Variants in MYOF observed in about 807,000 individuals in gnomAD.
MYOF encodes myoferlin, also known as fer-1-like 3, myoferlin.
MYOF carries 244 observed loss-of-function variants against 284.2 expected under a neutral mutation model. That is an observed-to-expected ratio of 0.86 (90% CI 0.77 to 0.95). MYOF has a LOEUF of 0.95. Among genes scored for constraint, MYOF ranks in the 40% least tolerant of loss-of-function variants. The probability of loss-of-function intolerance (pLI) is 0.00; values close to 1 mark genes in which losing one functional copy is unlikely to be tolerated. For missense variants in MYOF, 2,496 were observed against 2,560.6 expected, an observed-to-expected ratio of 0.97 and a Z score of 0.54; for synonymous variants, 904 against 919.7, an observed-to-expected ratio of 0.98 and a Z score of 0.31.
chr10:93,343,969 G>C (rs761141980), intron 37 of MYOF, 37 bp from the exon 38 acceptor site: 1 of 1,609,760 alleles, frequency 6.2e-7, no homozygotes, highest in East Asian at 2.2e-5. Flanking sequence ...AAGATACTTA[G>C]AGAAATACAG....
chr10:93,359,991 T>C lies in MYOF; in HGVS notation c.2975-13A>G. 6.2e-7 allele frequency: 1 copy of C among 1,614,088 alleles called. No individual in the cohort carries two copies. The highest frequency in any genetic ancestry group is 8.5e-7 in the Non-Finnish European group (1 of 1,179,990). On this transcript the variant is annotated splice_polypyrimidine_tract_variant and intron_variant, in intron 28 of 53. Coordinates refer to ENST00000359263, the MANE Select transcript of MYOF (RefSeq NM_013451.4). ...CCATATTCCCAGCCTGGAACAGAGT[T>C]TGTGAATGGTTACCCAGAAGAGATG...
At chr10:93,394,950 T>C (rs1003446453) in intron 16 of MYOF, among the ~76,000 whole-genome samples, 1 of 151,476 alleles carries the variant, frequency 6.6e-6, no homozygotes, top group African/African-American at 2.4e-5. Context: ...ACCAGGTTCT[T>C]ATTTATGTTA....
chr10:93,465,538 C>CTTTTCTTTTTTTTTT, intron 1 of MYOF, among the ~76,000 whole-genome samples: 1 of 112,164 alleles, frequency 8.9e-6, no homozygotes, highest in Non-Finnish European at 1.7e-5. Context: ...TTTTTCTTTT[C>CTTTTCTTTTTTTTTT]TTTTTTTTTT....
At position 93,369,110 on chromosome 10, in the gene MYOF, C is replaced by CTTTTTTTTTTTTTTTTTTTTTT. The variant is rs66923086; in HGVS notation, c.2589+513_2589+534dup. 3.8e-4 allele frequency among the ~76,000 whole-genome samples: 30 copies of CTTTTTTTTTTTTTTTTTTTTTT among 78,314 alleles called. 5 individuals carry two copies. Among genetic ancestry groups the CTTTTTTTTTTTTTTTTTTTTTT allele is most frequent in the African/African-American group, 1.9e-3 (29 of 15,450 alleles). The allele number at this position is 78,314 out of a possible 152,430, so 51.4% of individuals were successfully genotyped here. ...TATTGTTTTAGAAGTATTCAGACAG[C>CTTTTTTTTTTTTTTTTTTTTTT]TTTTTTTTTTTTTTTTTTTTTTGCC... On this transcript the variant is annotated intron_variant, in intron 25 of 53. Transcript: ENST00000359263.
At chr10:93,403,271 T>C (rs1207645854) in intron 9 of MYOF, among the ~76,000 whole-genome samples, 2 of 152,224 alleles carry the variant, frequency 1.3e-5, no homozygotes, top group Non-Finnish European at 2.9e-5. Context: ...CTCCTCCTCC[T>C]CCTTCTCCTC....
Position 93,347,726 on chromosome 10 carries a change from G to A in MYOF, c.4140C>T (p.His1380=), listed in dbSNP as rs569991084. The change falls in exon 37 of 54, where the codon CAC becomes CAT. Residue 1380 remains histidine (H), a synonymous_variant. Coordinates refer to ENST00000359263, the MANE Select transcript of MYOF (RefSeq NM_013451.4). ...MPPLVIKVID[H]RQFGRKPVVG... ...CGACAGGCTTCCGCCCAAACTGCCT[G>A]TGGTCGATGACCTTGATCACCAGTG... The A allele has an allele frequency of 1.6e-5, 26 of 1,614,038 alleles. No individual in the cohort carries two copies. Among genetic ancestry groups the A allele is most frequent in the Non-Finnish European group, 2.2e-5 (26 of 1,180,034 alleles).
intron 4 of MYOF, among the ~76,000 whole-genome samples, chr10:93,430,101 A>T (rs1848774796): frequency 6.6e-6 from 1 of 151,250 alleles, no homozygotes; most frequent in African/African-American, 2.4e-5. Flanking sequence ...TGCCTGGCTA[A>T]TTTTTTGTAT....
At chr10:93,473,466 C>T (rs927338084) in intron 1 of MYOF, among the ~76,000 whole-genome samples, 1 of 152,222 alleles carries the variant, frequency 6.6e-6, no homozygotes, top group Non-Finnish European at 1.5e-5. Context: ...CTTGCAGCAA[C>T]CCAAAGCCCA....
chr10:93,315,173 A>G (rs1259925167), intron 50 of MYOF, among the ~76,000 whole-genome samples: 4 of 152,130 alleles, frequency 2.6e-5, no homozygotes, highest in African/African-American at 9.7e-5. Flanking sequence ...AGTCAAAACC[A>G]TTGCATTAGG....
At chr10:93,472,956 T>C (rs377598679) in intron 1 of MYOF, among the ~76,000 whole-genome samples, 14 of 152,342 alleles carry the variant, frequency 9.2e-5, no homozygotes, top group African/African-American at 3.4e-4. Flanking sequence ...AAGTTCTCTA[T>C]ATATTTTATC....
chr10:93,477,190 A>G (rs1337404784), intron 1 of MYOF, among the ~76,000 whole-genome samples: 1 of 152,204 alleles, frequency 6.6e-6, no homozygotes, highest in African/African-American at 2.4e-5. Flanking sequence ...CAGCAAAAGC[A>G]CCTTTAAAAG....
In MYOF at chr10:93,333,804, T is replaced by A. The variant is rs758272688; in HGVS notation, c.4673A>T (p.Tyr1558Phe). The A allele has an allele frequency of 1.2e-5, 19 of 1,614,198 alleles. No homozygotes were observed. Among genetic ancestry groups the A allele is most frequent in the Non-Finnish European group, 1.6e-5 (19 of 1,180,024 alleles). The stretch of plus-strand genomic sequence containing the variant: ...CTGGAGCTCTAAGCCTCGAACAATG[T>A]AAATCCTAACCGTGCATTCCTGTGG... ...SVPQECTVRI[Y>F]IVRGLELQPQ... Residue 1558 changes from tyrosine to phenylalanine, a missense_variant, in exon 42 of 54, where the codon TAC becomes TTC. Physicochemically the swap from Tyr to Phe is conservative, Grantham distance 22 (BLOSUM62 3). Transcript: ENST00000359263.
chr10:93,373,006 T>C lies in MYOF; in HGVS notation c.2381A>G (p.His794Arg). Reference protein sequence around the residue: ...KRLAYARIPAHQVLYSTSGEN... With the variant: ...KRLAYARIPARQVLYSTSGEN... ...ACCACTGGTGGAGTACAAGACCTGA[T>C]GTGCGGGAATTCGTGCATAGGCCAG... Residue 794 changes from histidine to arginine, a missense_variant, in exon 24 of 54, where the codon CAT (histidine) becomes CGT (arginine). Transcript: ENST00000359263. 19 of 1,614,194 alleles carry C rather than the reference T, an allele frequency of 1.2e-5. No homozygotes were observed. The highest frequency in any genetic ancestry group is 1.6e-5 in the Non-Finnish European group (19 of 1,180,028).
chr10:93,333,995 G>A, intron 41 of MYOF, 82 bp from the exon 42 acceptor site: 2 of 1,430,166 alleles, frequency 1.4e-6, no homozygotes, highest in Non-Finnish European at 9.5e-7. Context: ...CCTCCGCCAG[G>A]GGTGTGGGAT....
chr10:93,360,466 G>A lies in MYOF; in HGVS notation c.2975-488C>T, dbSNP rs1044145052. Among the ~76,000 whole-genome samples the A allele has an allele frequency of 4.9e-4, 74 of 152,208 alleles. 1 individual carries two copies. Among genetic ancestry groups the A allele is most frequent in the Non-Finnish European group, 1.8e-4 (12 of 68,044 alleles). ...ACACTATCAAAATGACATATGCAAA[G>A]CATTAGGGCCATACTTAGCACACAG... On this transcript the variant is annotated intron_variant, in intron 28 of 53. Transcript: ENST00000359263.
intron 22 of MYOF, among the ~76,000 whole-genome samples, chr10:93,375,414 G>C (rs1208409595): frequency 1.3e-5 from 2 of 152,210 alleles, no homozygotes; most frequent in African/African-American, 2.4e-5. Flanking sequence ...GGTGGGTCTC[G>C]AAGGTCTGTG....
rs1455055761 is a variant in MYOF at position 93,399,474 on chromosome 10, G to C, written c.1139C>G (p.Thr380Arg). ...ATTGCCTCCAAATATTTCCTTTACT[G>C]TCTGTGAGAAGGCATCATCCACTGG... ...IPQMDDAFSQ[T>R]VKEIFGGNAD... Residue 380 changes from threonine to arginine, a missense_variant, in exon 13 of 54, where the codon ACA becomes AGA. Thr to Arg is a moderately conservative substitution (Grantham distance 71, BLOSUM62 -1). This residue lies in a region of MYOF where 2,436 missense variants were observed against 2,480.7 expected (regional missense o/e 0.98). Transcript: ENST00000359263. 6.2e-7 allele frequency: 1 copy of C among 1,613,050 alleles called. No homozygotes were observed. Among genetic ancestry groups the C allele is most frequent in the Non-Finnish European group, 8.5e-7 (1 of 1,179,376 alleles).
intron 28 of MYOF, among the ~76,000 whole-genome samples, chr10:93,360,622 T>C (rs1281044578): frequency 6.6e-6 from 1 of 152,256 alleles, no homozygotes; most frequent in Non-Finnish European, 1.5e-5. Flanking sequence ...AGGAAAGTAA[T>C]GAATCAGATT....
chr10:93,351,271 G>A lies in MYOF; in HGVS notation c.3847C>T (p.Pro1283Ser). ...TATAGATTTGGCGCCCTTTGAGGGG[G>A]AAGAATGGGAAGGTTGGAGCCATCC... ...GKDGSNLPILPPQRAPNLYMV... is the reference protein window; with the variant it reads ...GKDGSNLPILSPQRAPNLYMV... Residue 1283 changes from proline to serine, a missense_variant, in exon 35 of 54, where the codon CCC becomes TCC. Pro to Ser is a moderately conservative substitution (Grantham distance 74). Transcript: ENST00000359263. 1 of 1,613,526 alleles carries A rather than the reference G, an allele frequency of 6.2e-7. No individual in the cohort carries two copies. Among genetic ancestry groups the A allele is most frequent in the Non-Finnish European group, 8.5e-7 (1 of 1,179,888 alleles).
Sources: allele counts gnomAD v4.1 joint callset (sites outside exome capture counted in the v4.1 genomes callset), GRCh38; gene constraint gnomAD v4.1.1; regional missense constraint gnomAD v4.1.1; transcripts MANE v1.5; gene names NCBI Gene and HGNC (gene_info 2026-07-23, HGNC 2026-07-21).